Variants in DMXL2 observed in about 807,000 individuals in gnomAD.
DMXL2 encodes Dmx like 2.
Under a neutral mutation model 331.1 loss-of-function variants are expected in DMXL2, and 103 were observed. The ratio of observed to expected loss-of-function variants is 0.31; its 90% CI spans 0.27 to 0.37. DMXL2 has a LOEUF of 0.37. Ranked by LOEUF, DMXL2 falls within the 10% of genes least tolerant of loss-of-function variation. The pLI is 1.00. For synonymous variants in DMXL2, 1,281 were observed against 1,252.1 expected (o/e 1.02, Z -0.49); for missense variants, 3,171 against 3,642.9 (o/e 0.87, Z 3.33).
At chr15:51,607,114 C>G (rs1014271593) in intron 1 of DMXL2, among the ~76,000 whole-genome samples, 17 of 149,280 alleles carry the variant, frequency 1.1e-4, no homozygotes, top group African/African-American at 4.0e-4. Flanking sequence ...GCTGAGATTG[C>G]TCCACTGCAC....
At chr15:51,449,567 A>G (rs1160768684) in intron 43 of DMXL2, among the ~76,000 whole-genome samples, 1 of 152,194 alleles carries the variant, frequency 6.6e-6, no homozygotes, top group Non-Finnish European at 1.5e-5. Context: ...AGACTTTTTG[A>G]CTTTATGACA....
In DMXL2 at chr15:51,487,026, T is replaced by TC. The variant is rs567096455; in HGVS notation, c.5218-690dup. On this transcript the variant is annotated intron_variant, in intron 22 of 43. Transcript: ENST00000560891. ...CACTTAATTGAATATTTCCTGTTTT[T>TC]CTATCATATATTATTCCCAACTGTA... 2.8e-4 allele frequency among the ~76,000 whole-genome samples: 42 copies of TC among 152,316 alleles called. 1 individual carries two copies. In the East Asian group the frequency reaches 5.6e-3, roughly 20 times the overall value.
At chr15:51,453,329 C>T (rs76847151) in intron 41 of DMXL2, 14,843 of 383,190 alleles carry the variant, frequency 0.039, 422 homozygotes, top group Non-Finnish European at 0.052. Context: ...TTAAAAAAGA[C>T]TGAATAGCTT....
chr15:51,471,589 G>A (rs2041114492), intron 28 of DMXL2, among the ~76,000 whole-genome samples, 188 bp from the exon 29 acceptor site: 2 of 152,174 alleles, frequency 1.3e-5, no homozygotes. Context: ...TACAGATGGA[G>A]ATAAAGCATT....
chr15:51,606,606 C>T (rs961604510), intron 1 of DMXL2, among the ~76,000 whole-genome samples: 1 of 152,190 alleles, frequency 6.6e-6, no homozygotes, highest in African/African-American at 2.4e-5. Flanking sequence ...AGACATGTCA[C>T]CTAATTAAAT....
intron 15 of DMXL2, 112 bp from the exon 16 acceptor site, chr15:51,507,365 G>T (rs2046467223): frequency 9.7e-7 from 1 of 1,029,434 alleles, no homozygotes; most frequent in South Asian, 1.9e-5. Flanking sequence ...GGGAAGAAAA[G>T]GCAAGAAAGA....
chr15:51,622,456 C>G lies in DMXL2; in HGVS notation c.87+3G>C. 6.4e-7 allele frequency: 1 copy of G among 1,560,120 alleles called. No individual in the cohort carries two copies. The highest frequency in any genetic ancestry group is 2.4e-5 in the East Asian group (1 of 41,384). ...TCCCCTAGGGCTCCCGGCCGCCGCT[C>G]ACCGTGAAGGGGACATCCCCGACGC... On this transcript the variant is annotated splice_donor_region_variant and intron_variant, in intron 1 of 43. Transcript: ENST00000560891.
chr15:51,500,733 C>T (rs1162769280), intron 17 of DMXL2, among the ~76,000 whole-genome samples: 1 of 152,184 alleles, frequency 6.6e-6, no homozygotes, highest in Non-Finnish European at 1.5e-5. Flanking sequence ...GACCGCAAAA[C>T]AGACCAATAG....
intron 33 of DMXL2, among the ~76,000 whole-genome samples, chr15:51,461,808 A>C (rs562214933): frequency 3.3e-5 from 5 of 152,280 alleles, no homozygotes; most frequent in Admixed American, 1.3e-4. Flanking sequence ...ACCTAGTGCT[A>C]GGATTACAGG....
intron 15 of DMXL2, among the ~76,000 whole-genome samples, chr15:51,509,637 G>A (rs2046631067): frequency 6.6e-6 from 1 of 152,174 alleles, no homozygotes; most frequent in Non-Finnish European, 1.5e-5. Context: ...ACAAAGAGGA[G>A]CTGGTACCAT....
chr15:51,491,517 C>CT, intron 20 of DMXL2, 61 bp downstream of exon 20: 2 of 1,501,114 alleles, frequency 1.3e-6, no homozygotes, highest in African/African-American at 1.4e-5. Context: ...GAGATAGTAT[C>CT]TTTTTTTCGT....
chr15:51,579,982 T>C lies in DMXL2; in HGVS notation c.88-3801A>G, dbSNP rs56731448. Among the ~76,000 whole-genome samples the C allele has an allele frequency of 1.3e-3, 200 of 152,284 alleles. 8 individuals carry two copies. In the East Asian group the frequency reaches 0.028, roughly 21 times the overall value. On this transcript the variant is annotated intron_variant, in intron 1 of 43. Coordinates refer to ENST00000560891, the MANE Select transcript of DMXL2 (RefSeq NM_001378457.1). ...CCCTAGTTCACTGAATGAGGATTCA[T>C]TTGCTTCACAGTAAAGTTCCTGCTC...
rs1360899883 is a variant in DMXL2 at position 51,491,737 on chromosome 15, T to A, written c.4794A>T (p.Thr1598=). The change falls in exon 20 of 44, where the codon ACA becomes ACT. Residue 1598 remains threonine (T), a synonymous_variant. Transcript: ENST00000560891. Reference sequence around the variant, plus strand: ...AATGAAAAGCCCAGGCAAAATGGCATGTAGAGACACCTAAATTGGAAATAT... The same window carrying A: ...AATGAAAAGCCCAGGCAAAATGGCAAGTAGAGACACCTAAATTGGAAATAT... ...RVQLLHQGVS[T]CHFAWAFHSE... The A allele has an allele frequency of 6.3e-7, 1 of 1,596,864 alleles. No individual in the cohort carries two copies. The highest frequency in any genetic ancestry group is 8.5e-7 in the Non-Finnish European group (1 of 1,175,636).
At chr15:51,538,684 A>G (rs2048417267) in intron 9 of DMXL2, among the ~76,000 whole-genome samples, 1 of 152,220 alleles carries the variant, frequency 6.6e-6, no homozygotes. Flanking sequence ...GAATGCATCA[A>G]CCTTCAGTGA....
intron 15 of DMXL2, among the ~76,000 whole-genome samples, chr15:51,507,462 G>A (rs1360924739): frequency 6.6e-6 from 1 of 152,094 alleles, no homozygotes. Flanking sequence ...GTACACAAAA[G>A]CTAACATGAA....
Position 51,576,078 on chromosome 15 carries a change from T to G in DMXL2, c.191A>C (p.Glu64Ala), listed in dbSNP as rs758098566. 52 of 1,607,744 alleles carry G rather than the reference T, an allele frequency of 3.2e-5. No homozygotes were observed. Among genetic ancestry groups the G allele is most frequent in the Middle Eastern group, 1.7e-4 (1 of 6,058 alleles). The change falls in exon 2 of 44, where the codon GAG (glutamate) becomes GCG (alanine). Residue 64 changes from glutamate to alanine, a missense_variant. Physicochemically the swap from Glu to Ala is moderately radical, Grantham distance 107. Coordinates refer to ENST00000560891, the MANE Select transcript of DMXL2 (RefSeq NM_001378457.1). ...TACTCTTCCTTGTTGGTTAGAACAC[T>G]CCACACAGCTGACTTGGATGTTTCC... ...KHGNIQVSCVECSNQQGRIAA... is the reference protein window; with the variant it reads ...KHGNIQVSCVACSNQQGRIAA...
At position 51,536,881 on chromosome 15, in the gene DMXL2, T is replaced by C. The variant is rs762886944; in HGVS notation, c.1618-19A>G. ...AAGAAACCTGAAAAACATAATTATA[T>C]GATTCAGTGCAAATAGTTTACCTCC... is the stretch of plus-strand genomic sequence containing the variant. On this transcript the variant is annotated intron_variant, in intron 11 of 43. Transcript: ENST00000560891. 15 of 1,567,324 alleles carry C rather than the reference T, an allele frequency of 9.6e-6. No individual in the cohort carries two copies. Among genetic ancestry groups the C allele is most frequent in the Non-Finnish European group, 1.3e-5 (15 of 1,159,598 alleles).
rs536856026 is a variant in DMXL2, at chr15:51,490,164, A to G, written c.4953+1414T>C. ...ATCTGTGCTTATTTTGAGAAAAGAA[A>G]TACTGATATTTTGTTGGCAGCCTTA... On this transcript the variant is annotated intron_variant, in intron 20 of 43. Coordinates refer to ENST00000560891, the MANE Select transcript of DMXL2 (RefSeq NM_001378457.1). 2.0e-5 allele frequency among the ~76,000 whole-genome samples: 3 copies of G among 152,336 alleles called. No homozygotes were observed. In the East Asian group the frequency reaches 5.8e-4, roughly 29 times the overall value.
In DMXL2 at chr15:51,475,161, C is replaced by A. The variant is rs375228780; in HGVS notation, c.6965-569G>T. On this transcript the variant is annotated intron_variant, in intron 27 of 43. Coordinates refer to ENST00000560891, the MANE Select transcript of DMXL2 (RefSeq NM_001378457.1). ...GAAAGACACATCTTTTTTGTGGTAT[C>A]CCTGCCAAAAAATACGTAACCTGAA... Among the ~76,000 whole-genome samples, 47 of 152,118 alleles carry A rather than the reference C, an allele frequency of 3.1e-4. No homozygotes were observed. In the South Asian group the frequency reaches 8.9e-3, roughly 29 times the overall value.
Sources: gnomAD v4.1 joint callset for allele counts (sites outside exome capture counted in the v4.1 genomes callset) on GRCh38, gnomAD v4.1.1 for gene constraint, MANE v1.5 for transcripts, NCBI Gene and HGNC (gene_info 2026-07-23, HGNC 2026-07-21) for gene names.